Variants in ABCA4 observed in about 807,000 individuals in gnomAD.
ABCA4 encodes ATP binding cassette subfamily A member 4, also known as retinal-specific phospholipid-transporting ATPase ABCA4.
ABCA4 carries 196 observed loss-of-function variants against 263.7 expected under a neutral mutation model. That is an observed-to-expected ratio of 0.74 (90% confidence interval 0.66 to 0.84). The LOEUF is 0.84. ABCA4 is among the 40% of genes least tolerant of loss of function. The pLI is 0.00. For synonymous variants in ABCA4, 1,133 were observed against 1,094.2 expected, an observed-to-expected ratio of 1.04 and a Z score of -0.70; for missense variants, 2,792 against 2,855.1, an observed-to-expected ratio of 0.98 and a Z score of 0.50.
rs4147840 is a variant in ABCA4 at position 94,040,454 on chromosome 1, G to A, written c.3523-327C>T. Among the ~76,000 whole-genome samples, 18 of 152,230 alleles carry A rather than the reference G, an allele frequency of 1.2e-4. No individual in the cohort carries two copies. In the East Asian group the frequency reaches 3.5e-3, roughly 29 times the overall value. ...GCCTCCCTCCCCGTGGATGGACATA[G>A]GAAACCCCAGCGGCAGCCAGACACT... is the stretch of plus-strand genomic sequence containing the variant. On this transcript the variant is annotated intron_variant, in intron 23 of 49. Transcript: ENST00000370225.
intron 43 of ABCA4, 147 bp from the exon 44 acceptor site, chr1:94,005,729 G>C (rs1659360651): frequency 1.4e-6 from 1 of 727,724 alleles, no homozygotes; most frequent in Admixed American, 2.7e-5. Flanking sequence ...GGGATATTTG[G>C]GAATCAAAAC....
chr1:94,106,389 A>C (rs1336646587), intron 4 of ABCA4, among the ~76,000 whole-genome samples: 1 of 152,142 alleles, frequency 6.6e-6, no homozygotes, highest in Admixed American at 6.5e-5. Context: ...CAGGCACTTA[A>C]GTGAAATGTC....
At position 94,019,683 on chromosome 1, in the gene ABCA4, G is replaced by A. The variant is rs1178161569; in HGVS notation, c.5095C>T (p.Leu1699Phe). 9 of 1,613,790 alleles carry A rather than the reference G, an allele frequency of 5.6e-6. No individual in the cohort carries two copies. The highest frequency in any genetic ancestry group is 5.0e-5 in the Admixed American group (3 of 59,952). ...SMSFVPASFV[L>F]YLIQERVNKS... ...TTCACCCGCTCCTGGATCAAATAAA[G>A]GACAAAGCTGGCTGGGACGAAGGAC... Residue 1699 changes from leucine (L) to phenylalanine (F), a missense_variant, in exon 36 of 50, where the codon CTT (leucine) becomes TTT (phenylalanine). By Grantham distance (22) the Leu-to-Phe change is conservative. Coordinates refer to ENST00000370225, the MANE Select transcript of ABCA4 (RefSeq NM_000350.3).
At chr1:94,089,067 C>T (rs1661906734) in intron 6 of ABCA4, among the ~76,000 whole-genome samples, 1 of 152,222 alleles carries the variant, frequency 6.6e-6, no homozygotes, top group African/African-American at 2.4e-5. Flanking sequence ...CAGGCACACT[C>T]TGGTCTTGAA....
chr1:93,996,073 G>A lies in ABCA4; in HGVS notation c.6816+36C>T, dbSNP rs777556644. 2.5e-6 allele frequency: 4 copies of A among 1,593,716 alleles called. No homozygotes were observed. In the Admixed American group the frequency reaches 5.0e-5, roughly 20 times the overall value. On this transcript the variant is annotated intron_variant, in intron 49 of 49. Transcript: ENST00000370225. ...CAGCTGGGCTCTGAGCCAAGGAACT[G>A]CCTCAAGCTGTGGACTGCATAAGCA...
chr1:94,081,639 C>T (rs1300777896), intron 7 of ABCA4, among the ~76,000 whole-genome samples: 2 of 150,210 alleles, frequency 1.3e-5, no homozygotes, highest in Non-Finnish European at 2.9e-5. Context: ...TCTGTGTGTG[C>T]GTTTTAAAAT....
intron 40 of ABCA4, 55 bp downstream of exon 40, chr1:94,010,745 T>G: frequency 1.2e-6 from 2 of 1,613,360 alleles, no homozygotes; most frequent in Non-Finnish European, 1.7e-6. Flanking sequence ...GGGTATAAGG[T>G]CCAGTTCTGG....
intron 38 of ABCA4, 26 bp downstream of exon 38, chr1:94,014,517 A>G: frequency 6.2e-7 from 1 of 1,613,532 alleles, no homozygotes; most frequent in East Asian, 2.2e-5. Flanking sequence ...CTAATCAAAC[A>G]AAAAAGCCAA....
chr1:94,043,852 A>G (rs1056103523), intron 20 of ABCA4, among the ~76,000 whole-genome samples: 10 of 152,262 alleles, frequency 6.6e-5, no homozygotes, highest in African/African-American at 2.2e-4. Context: ...ATATGTGTTT[A>G]TCTATCTATA....
At position 94,047,046 on chromosome 1, in the gene ABCA4, C is replaced by G; in HGVS notation, c.2791G>C (p.Val931Leu). The change falls in exon 19 of 50, where the codon GTG becomes CTG. Residue 931 changes from valine to leucine, a missense_variant. Transcript: ENST00000370225. ...EHPGWVPGVC[V>L]KNLVKIFEPC... is the part of the protein sequence containing the mutation. ...TCAAAAATCTTTACCAGATTCTTCA[C>G]GCATACCCCAGGAACCCACCCTGGA... 6.2e-7 allele frequency: 1 copy of G among 1,614,130 alleles called. No homozygotes were observed. Among genetic ancestry groups the G allele is most frequent in the Non-Finnish European group, 8.5e-7 (1 of 1,180,028 alleles).
chr1:94,027,170 G>A (rs1231287911), intron 30 of ABCA4, among the ~76,000 whole-genome samples: 1 of 152,190 alleles, frequency 6.6e-6, no homozygotes, highest in Non-Finnish European at 1.5e-5. Context: ...TAATAGTGAG[G>A]AAATGCAGAA....
intron 30 of ABCA4, among the ~76,000 whole-genome samples, chr1:94,028,175 C>A (rs1386791810): frequency 6.6e-6 from 1 of 152,216 alleles, no homozygotes; most frequent in Non-Finnish European, 1.5e-5. Context: ...GTGTCCCATA[C>A]CTGTGCTTTC....
intron 20 of ABCA4, among the ~76,000 whole-genome samples, chr1:94,044,003 C>T (rs1396811310): frequency 6.6e-6 from 1 of 151,076 alleles, no homozygotes; most frequent in Non-Finnish European, 1.5e-5. Context: ...CCCTTTCCTT[C>T]CTCCTTCCCC....
intron 30 of ABCA4, among the ~76,000 whole-genome samples, chr1:94,026,550 C>T (rs1350164849): frequency 6.6e-6 from 1 of 152,230 alleles, no homozygotes; most frequent in Non-Finnish European, 1.5e-5. Flanking sequence ...ACCTGCTTCT[C>T]AAGCTGAAAG....
At chr1:94,079,242 A>G in intron 9 of ABCA4, 80 bp downstream of exon 9, 1 of 1,533,146 alleles carries the variant, frequency 6.5e-7, no homozygotes, top group South Asian at 1.1e-5. Flanking sequence ...AGGAAGGCAC[A>G]TCTCTCTCAC....
chr1:94,104,788 A>G (rs1432699816), intron 4 of ABCA4, among the ~76,000 whole-genome samples: 1 of 152,116 alleles, frequency 6.6e-6, no homozygotes, highest in Non-Finnish European at 1.5e-5. Context: ...GCTCCCTTAT[A>G]TTCTAGTCTT....
In ABCA4 at chr1:94,029,625, G is replaced by T; in HGVS notation, c.4359C>A (p.Tyr1453Ter). Residue 1453 changes from tyrosine (Y) to a stop codon, truncating the protein, a stop_gained, in exon 30 of 50, where the codon TAC (tyrosine) becomes TAA (stop). Transcript: ENST00000370225. LOFTEE classifies it high-confidence loss of function. ...RCLKEGWLPE[Y>*]PCGNSTPWKT... is the part of the protein sequence containing the mutation. ...TCCAGGGTGTTGAGTTGCCACAGGGGTACTCCCTCATGGAAGACAAGAAAA... is the reference window on the plus strand; with the variant it reads ...TCCAGGGTGTTGAGTTGCCACAGGGTTACTCCCTCATGGAAGACAAGAAAA... 6.2e-7 allele frequency: 1 copy of T among 1,613,372 alleles called. No individual in the cohort carries two copies. Among genetic ancestry groups the T allele is most frequent in the Non-Finnish European group, 8.5e-7 (1 of 1,179,662 alleles).
At chr1:94,079,952 C>T (rs2101105542) in intron 8 of ABCA4, among the ~76,000 whole-genome samples, 1 of 150,944 alleles carries the variant, frequency 6.6e-6, no homozygotes, top group South Asian at 2.1e-4. Flanking sequence ...CAGCCAGTTA[C>T]ATTTCTTCCC....
chr1:94,099,871 G>T (rs1019853523), intron 5 of ABCA4, among the ~76,000 whole-genome samples: 1 of 152,132 alleles, frequency 6.6e-6, no homozygotes, highest in Non-Finnish European at 1.5e-5. Flanking sequence ...AAGGATAGTG[G>T]TTCTTGAAGT....
Sources: allele counts gnomAD v4.1 joint callset (sites outside exome capture counted in the v4.1 genomes callset), GRCh38; gene constraint gnomAD v4.1.1; transcripts MANE v1.5; gene names NCBI Gene and HGNC (gene_info 2026-07-23, HGNC 2026-07-21).